Variants in ARHGEF7 observed in about 807,000 individuals in gnomAD.
ARHGEF7 encodes PAK-interacting exchange factor beta.
In ARHGEF7, 33 loss-of-function variants were observed where a neutral mutation model predicts 109.8. That is an observed-to-expected ratio of 0.30 (90% confidence interval 0.23 to 0.40). ARHGEF7 has a LOEUF of 0.40. Ranked by LOEUF, ARHGEF7 falls within the 10% of genes least tolerant of loss-of-function variation. The probability of loss-of-function intolerance (pLI) is 1.00; values close to 1 mark genes in which losing one functional copy is unlikely to be tolerated. For missense variants in ARHGEF7, 938 were observed against 1,098.5 expected (o/e 0.85, Z 2.07); for synonymous variants, 458 against 424.6 (o/e 1.08, Z -0.97).
At chr13:111,292,868 C>G in intron 19 of ARHGEF7, 1 of 989,972 alleles carries the variant, frequency 1.0e-6, no homozygotes, top group South Asian at 4.6e-5. Flanking sequence ...TCGTGCAGAA[C>G]AGCATGTGGG....
At chr13:111,281,181 C>CTTATTTTTTTTTTTTTTTTTT (rs2092756432) in intron 15 of ARHGEF7, 1 of 59,422 alleles carries the variant, frequency 1.7e-5, no homozygotes. Flanking sequence ...TATTTAGAGA[C>CTTATTTTTTTTTTTTTTTTTT]TTTTTTTTTT....
rs773681421 is a variant in ARHGEF7 at position 111,292,244 on chromosome 13, A to G, written c.2261A>G (p.Asp754Gly). 3 of 1,614,206 alleles carry G rather than the reference A, an allele frequency of 1.9e-6. No individual in the cohort carries two copies. Among genetic ancestry groups the G allele is most frequent in the East Asian group, 4.5e-5 (2 of 44,882 alleles). ...LEPSDLSEDS[D>G]YDSIWTAHSY... ...CCTTCAGACCTCTCGGAAGACTCTGACTATGACAGTATATGGACAGCCCAT... is the reference window on the plus strand; with the variant it reads ...CCTTCAGACCTCTCGGAAGACTCTGGCTATGACAGTATATGGACAGCCCAT... Residue 754 changes from aspartate to glycine, a missense_variant, in exon 19 of 22, where the codon GAC becomes GGC. Around this residue, in one of 4 missense-constraint regions of ARHGEF7, gnomAD observed 166 missense variants for 167.3 expected, o/e 0.99. Transcript: ENST00000646102.
intron 5 of ARHGEF7, among the ~76,000 whole-genome samples, chr13:111,221,643 TTATA>T (rs10533031): frequency 7.8e-6 from 1 of 128,728 alleles, no homozygotes; most frequent in African/African-American, 3.0e-5. Context: ...TATCTCCCCT[TTATA>T]TATATATATA....
chr13:111,157,730 T>G (rs903053458), intron 2 of ARHGEF7, among the ~76,000 whole-genome samples: 4 of 152,220 alleles, frequency 2.6e-5, no homozygotes, highest in Non-Finnish European at 5.9e-5. Flanking sequence ...TCCAGTATTT[T>G]GCTATGTTAC....
At chr13:111,286,089 T>C (rs753138926) in intron 16 of ARHGEF7, 58 bp from the exon 17 acceptor site, 35 of 1,367,216 alleles carry the variant, frequency 2.6e-5, no homozygotes, top group East Asian at 6.9e-5. Context: ...CTTTCTGATA[T>C]GCCAGTGAAA....
chr13:111,297,124 G>A (rs1332971299), intron 19 of ARHGEF7, among the ~76,000 whole-genome samples: 7 of 152,186 alleles, frequency 4.6e-5, no homozygotes, highest in Non-Finnish European at 1.0e-4. Flanking sequence ...TAAAGAAGTA[G>A]TCAACTTACG....
At chr13:111,138,237 C>T (rs750260679) in intron 1 of ARHGEF7, among the ~76,000 whole-genome samples, 7 of 152,072 alleles carry the variant, frequency 4.6e-5, no homozygotes, top group East Asian at 3.9e-4. Context: ...CGCTTGAACT[C>T]GGGAGGCAGA....
intron 1 of ARHGEF7, among the ~76,000 whole-genome samples, chr13:111,127,007 T>A (rs1388142641): frequency 6.6e-6 from 1 of 152,170 alleles, no homozygotes; most frequent in African/African-American, 2.4e-5. Context: ...TTGAGAAGAA[T>A]CAATAACATT....
intron 12 of ARHGEF7, among the ~76,000 whole-genome samples, chr13:111,276,805 G>C (rs1193008661): frequency 2.0e-5 from 3 of 152,138 alleles, no homozygotes; most frequent in African/African-American, 7.2e-5. Flanking sequence ...GAATATACTT[G>C]GGGAAACTAA....
At position 111,209,867 on chromosome 13, in the gene ARHGEF7, T is replaced by C. The variant is rs2082290550; in HGVS notation, c.338-5T>C. On this transcript the variant is annotated splice_polypyrimidine_tract_variant and splice_region_variant and intron_variant, in intron 3 of 21. Coordinates refer to ENST00000646102, the MANE Select transcript of ARHGEF7 (RefSeq NM_001354046.2). ...TCTCTTTTTCTGTGTGCATGCTCTT[T>C]GCAGACATCGGGCTGGGGAGTGACT... The C allele has an allele frequency of 1.9e-6, 3 of 1,613,952 alleles. No homozygotes were observed. Among genetic ancestry groups the C allele is most frequent in the Admixed American group, 1.7e-5 (1 of 60,012 alleles).
At chr13:111,244,942 G>A (rs984306632) in intron 8 of ARHGEF7, among the ~76,000 whole-genome samples, 7 of 152,170 alleles carry the variant, frequency 4.6e-5, no homozygotes, top group South Asian at 2.1e-4. Context: ...TTGTGGAAGC[G>A]TTTTCCCTGC....
chr13:111,203,392 C>T (rs1350270276), intron 2 of ARHGEF7, among the ~76,000 whole-genome samples: 4 of 152,174 alleles, frequency 2.6e-5, no homozygotes, highest in Admixed American at 1.3e-4. Flanking sequence ...GTTGGGATTT[C>T]TTCTTAAATA....
chr13:111,115,612 G>T lies in ARHGEF7; in HGVS notation c.86G>T (p.Gly29Val). The change falls in exon 1 of 22, where the codon GGC (glycine) becomes GTC (valine). Residue 29 changes from glycine to valine, a missense_variant. Gly to Val is a moderately radical substitution (Grantham distance 109). Coordinates refer to ENST00000646102, the MANE Select transcript of ARHGEF7 (RefSeq NM_001354046.2). ...SPKKTISDPE[G>V]FLQASLKDGV... ...AAAAAAACCATCTCGGACCCGGAGGGCTTTCTGCAGGCGTCGCTGAAGGAT... is the reference window on the plus strand; with the variant it reads ...AAAAAAACCATCTCGGACCCGGAGGTCTTTCTGCAGGCGTCGCTGAAGGAT... 1 of 1,413,766 alleles carries T rather than the reference G, an allele frequency of 7.1e-7. No homozygotes were observed. The allele number at this position is 1,413,766 out of a possible 1,614,324, so 87.6% of individuals were successfully genotyped here. A position where few individuals can be genotyped will look rare whatever the true frequency, so the allele number is the denominator to read the frequency against.
chr13:111,121,932 C>T (rs2067227287), intron 1 of ARHGEF7, among the ~76,000 whole-genome samples: 1 of 152,222 alleles, frequency 6.6e-6, no homozygotes, highest in African/African-American at 2.4e-5. Flanking sequence ...CAAAGTCATT[C>T]CTCAGTACGC....
At chr13:111,269,153 T>C (rs911892695) in intron 9 of ARHGEF7, among the ~76,000 whole-genome samples, 1 of 152,180 alleles carries the variant, frequency 6.6e-6, no homozygotes, top group African/African-American at 2.4e-5. Context: ...GCTATGCCCC[T>C]ACCCCTGGGC....
intron 2 of ARHGEF7, among the ~76,000 whole-genome samples, chr13:111,178,230 G>T (rs1442073091): frequency 6.6e-6 from 1 of 152,174 alleles, no homozygotes; most frequent in Non-Finnish European, 1.5e-5. Flanking sequence ...AGTTCCTGAG[G>T]AGTTCCCTTA....
In ARHGEF7 at chr13:111,233,233, A is replaced by G; in HGVS notation, c.699A>G (p.Thr233=). 1 of 1,614,142 alleles carries G rather than the reference A, an allele frequency of 6.2e-7. No individual in the cohort carries two copies. The highest frequency in any genetic ancestry group is 8.5e-7 in the Non-Finnish European group (1 of 1,179,976). ...AGCCTGTGTCTCCCAAATCAGGAACACTGAAGAGCCCTCCCAAAGGATTTG... is the reference window on the plus strand; with the variant it reads ...AGCCTGTGTCTCCCAAATCAGGAACGCTGAAGAGCCCTCCCAAAGGATTTG... ...SEKPVSPKSG[T]LKSPPKGFDT... Residue 233 remains threonine, a synonymous_variant, in exon 6 of 22, where the codon ACA becomes ACG. Coordinates refer to ENST00000646102, the MANE Select transcript of ARHGEF7 (RefSeq NM_001354046.2).
At chr13:111,220,391 C>T (rs1394800516) in intron 5 of ARHGEF7, among the ~76,000 whole-genome samples, 1 of 152,182 alleles carries the variant, frequency 6.6e-6, no homozygotes, top group Non-Finnish European at 1.5e-5. Flanking sequence ...AAGTGTGAAT[C>T]CTGGACTGAC....
intron 9 of ARHGEF7, among the ~76,000 whole-genome samples, chr13:111,268,548 G>A (rs1384570190): frequency 2.0e-5 from 3 of 152,122 alleles, no homozygotes; most frequent in African/African-American, 4.8e-5. Context: ...TGAAAGCCTC[G>A]TCAGTGAACA....
Sources: allele counts gnomAD v4.1 joint callset (sites outside exome capture counted in the v4.1 genomes callset), GRCh38; gene constraint gnomAD v4.1.1; regional missense constraint gnomAD v4.1.1; transcripts MANE v1.5; gene names NCBI Gene and HGNC (gene_info 2026-07-23, HGNC 2026-07-21).